HNMT: variants seen among roughly 807,000 people sequenced by gnomAD.
HNMT encodes histamine N-methyltransferase.
HNMT carries 30 observed loss-of-function variants against 32.1 expected under a neutral mutation model. That is an observed-to-expected ratio of 0.93 (90% CI 0.70 to 1.27). The LOEUF (loss-of-function observed/expected upper bound fraction) is 1.27. HNMT is among the 50% of genes most tolerant of loss of function. The probability of loss-of-function intolerance (pLI) is 0.00; values close to 1 mark genes in which losing one functional copy is unlikely to be tolerated. For missense variants in HNMT, 327 were observed against 346.0 expected (o/e 0.95, Z 0.43); for synonymous variants, 125 against 119.0 (o/e 1.05, Z -0.33).
chr2:137,989,877 G>C (rs887093786), intron 2 of HNMT, among the ~76,000 whole-genome samples: 9 of 152,092 alleles, frequency 5.9e-5, no homozygotes, highest in African/African-American at 2.2e-4. Flanking sequence ...ATATTTATCT[G>C]TCATCTGTAT....
At position 137,976,279 on chromosome 2, in the gene HNMT, AC is replaced by A. The variant is rs70978268; in HGVS notation, c.190+6063del. ...AGACTCCATCTCAAAAAAACAAAAA[AC>A]AAAAAAAAAAAAACCTGTCTATAAA... On this transcript the variant is annotated intron_variant, in intron 2 of 5. Transcript: ENST00000280097. 9.1e-4 allele frequency among the ~76,000 whole-genome samples: 46 copies of A among 50,522 alleles called. 1 individual carries two copies. Among genetic ancestry groups the A allele is most frequent in the South Asian group, 6.3e-3 (4 of 632 alleles). 33.1% of individuals were successfully genotyped at this position (50,522 alleles called of 152,430 possible).
chr2:138,002,390 C>A, intron 4 of HNMT, 196 bp downstream of exon 4: 1 of 1,007,636 alleles, frequency 9.9e-7, no homozygotes, highest in Non-Finnish European at 1.2e-6. Context: ...TTCCAAAAAC[C>A]AGTTTTCTCT....
At chr2:137,978,960 TATA>T (rs939548128) in intron 2 of HNMT, among the ~76,000 whole-genome samples, 10 of 140,762 alleles carry the variant, frequency 7.1e-5, no homozygotes, top group East Asian at 2.0e-4. Context: ...TTATATTACA[TATA>T]ATAAGTAATA....
chr2:138,003,509 G>A (rs1318061511), intron 4 of HNMT, among the ~76,000 whole-genome samples: 1 of 152,092 alleles, frequency 6.6e-6, no homozygotes, highest in Non-Finnish European at 1.5e-5. Context: ...GCAATTCTAT[G>A]TCTCTGCTTC....
chr2:137,982,985 TGC>T (rs1680548033), intron 2 of HNMT, among the ~76,000 whole-genome samples: 10 of 152,310 alleles, frequency 6.6e-5, no homozygotes, highest in South Asian at 6.2e-4. Context: ...TGGTTTAAGA[TGC>T]ATTTCATCAA....
chr2:137,972,129 G>T (rs981578015), intron 2 of HNMT, among the ~76,000 whole-genome samples: 3 of 152,028 alleles, frequency 2.0e-5, no homozygotes, highest in Non-Finnish European at 2.9e-5. Flanking sequence ...TTTTGAGATG[G>T]AGTCTCGCTC....
At chr2:137,979,043 T>C (rs909179140) in intron 2 of HNMT, among the ~76,000 whole-genome samples, 3 of 143,548 alleles carry the variant, frequency 2.1e-5, no homozygotes, top group Non-Finnish European at 4.5e-5. Flanking sequence ...CATACTATAA[T>C]AGTAAATTGT....
In HNMT at chr2:137,976,948, G is replaced by A. The variant is rs372469427; in HGVS notation, c.190+6731G>A. On this transcript the variant is annotated intron_variant, in intron 2 of 5. Transcript: ENST00000280097. ...AACACTGGAGTGATTGTCATTAAAA[G>A]CAGAGTAAACAAGATTGTTTTGGCT... Among the ~76,000 whole-genome samples, 7 of 152,292 alleles carry A rather than the reference G, an allele frequency of 4.6e-5. No individual in the cohort carries two copies. In the East Asian group the frequency reaches 1.2e-3, roughly 25 times the overall value.
chr2:137,997,968 T>C (rs1049459232), intron 2 of HNMT, among the ~76,000 whole-genome samples: 39 of 151,816 alleles, frequency 2.6e-4, no homozygotes, highest in African/African-American at 9.2e-4. Flanking sequence ...AGTTGAACGA[T>C]GAGAGCACAT....
rs1681403411 is a variant in HNMT at position 138,008,670 on chromosome 2, T to A, written c.523+3445T>A. 3.3e-5 allele frequency among the ~76,000 whole-genome samples: 5 copies of A among 151,918 alleles called. No individual in the cohort carries two copies. In the South Asian group the frequency reaches 1.0e-3, roughly 31 times the overall value. On this transcript the variant is annotated intron_variant, in intron 5 of 5. Coordinates refer to ENST00000280097, the MANE Select transcript of HNMT (RefSeq NM_006895.3). ...TGACAAAGCTGACAAAAACAAGCAA[T>A]GGGGAAAAGACTTCCTATTCAATAA...
At chr2:137,978,728 GATTATATAATATAGT>G (rs1680377386) in intron 2 of HNMT, among the ~76,000 whole-genome samples, 1 of 135,910 alleles carries the variant, frequency 7.4e-6, no homozygotes, top group Non-Finnish European at 1.5e-5. Flanking sequence ...CAATACATAT[GATTATATAATATAGT>G]ATTATACAAT....
At chr2:137,970,938 AAAGAAAGAAAGAAAGAAAG>A (rs1558951035) in intron 2 of HNMT, among the ~76,000 whole-genome samples, 155 of 10,238 alleles carry the variant, frequency 0.015, 6 homozygotes, top group African/African-American at 0.019. Flanking sequence ...AAAAAAAAAG[AAAGAAAGAAAGAAAGAAAG>A]AAAGAAAGAA....
In HNMT at chr2:137,981,478, C is replaced by G. The variant is rs1386475755; in HGVS notation, c.190+11261C>G. ...GCAAAGTCTTCACACCGCAGCTTCCCCTTTCTTTGTTGCTTTGGTTTTCTC... is the reference window on the plus strand; with the variant it reads ...GCAAAGTCTTCACACCGCAGCTTCCGCTTTCTTTGTTGCTTTGGTTTTCTC... On this transcript the variant is annotated intron_variant, in intron 2 of 5. Coordinates refer to ENST00000280097, the MANE Select transcript of HNMT (RefSeq NM_006895.3). 4 of 971,064 alleles carry G rather than the reference C, an allele frequency of 4.1e-6. No individual in the cohort carries two copies. The African/African-American group carries it at 6.6e-5, about 16-fold the overall frequency. 60.2% of individuals were successfully genotyped at this position (971,064 alleles called of 1,614,324 possible).
At chr2:137,977,467 T>C (rs542637064) in intron 2 of HNMT, among the ~76,000 whole-genome samples, 10 of 152,178 alleles carry the variant, frequency 6.6e-5, no homozygotes, top group East Asian at 1.9e-4. Context: ...CTGAAGGGGA[T>C]TGGGGGGGTT....
chr2:137,981,132 T>C, intron 2 of HNMT: 1 of 1,439,168 alleles, frequency 6.9e-7, no homozygotes, highest in Non-Finnish European at 9.3e-7. Context: ...TATTTTGATA[T>C]GAGAAAAGAA....
At chr2:137,984,434 G>T (rs565925863) in intron 2 of HNMT, among the ~76,000 whole-genome samples, 1 of 152,062 alleles carries the variant, frequency 6.6e-6, no homozygotes, top group Non-Finnish European at 1.5e-5. Context: ...ATATTGTATT[G>T]CCATTTTAAT....
chr2:137,967,521 C>T lies in HNMT; in HGVS notation c.138-2644C>T, dbSNP rs145638056. The T allele has an allele frequency of 3.0e-3, 483 of 162,414 alleles. 2 individuals carry two copies. Among genetic ancestry groups the T allele is most frequent in the Non-Finnish European group, 5.2e-3 (391 of 74,896 alleles). 10.1% of individuals were successfully genotyped at this position (162,414 alleles called of 1,614,324 possible). A position where few individuals can be genotyped will look rare whatever the true frequency, so the allele number is the denominator to read the frequency against. ...TTTTGAACTTTTTAGAATCTTCTTA[C>T]GTCTAGTATTCTGAAATTTTAAAAT... is the stretch of plus-strand genomic sequence containing the variant. On this transcript the variant is annotated intron_variant, in intron 1 of 5. Transcript: ENST00000280097.
intron 2 of HNMT, among the ~76,000 whole-genome samples, chr2:137,983,745 G>A (rs1391669360): frequency 6.6e-6 from 1 of 152,156 alleles, no homozygotes; most frequent in Non-Finnish European, 1.5e-5. Context: ...GTAAATATAT[G>A]GGTGGAAAAT....
chr2:138,006,328 T>G (rs2737377), intron 5 of HNMT, among the ~76,000 whole-genome samples: 35,238 of 151,806 alleles, frequency 0.23, 4,310 homozygotes, highest in South Asian at 0.3. Flanking sequence ...TATTCTTGAT[T>G]ATATTCATCA....
Sources: allele counts gnomAD v4.1 joint callset (sites outside exome capture counted in the v4.1 genomes callset), GRCh38; gene constraint gnomAD v4.1.1; transcripts MANE v1.5; gene names NCBI Gene and HGNC (gene_info 2026-07-23, HGNC 2026-07-21).